CFAP299: variants seen among roughly 807,000 people sequenced by gnomAD.
CFAP299 encodes the protein cilia- and flagella-associated protein 299.
Under a neutral mutation model 27.0 loss-of-function variants are expected in CFAP299, and 21 were observed. The observed-to-expected ratio is 0.78, with a 90% confidence interval of 0.55 to 1.12. CFAP299 has a LOEUF of 1.12. CFAP299 is among the 50% of genes most tolerant of loss of function. CFAP299 has a pLI of 0.00. For synonymous variants in CFAP299, 104 were observed against 98.1 expected (o/e 1.06, Z -0.36); for missense variants, 310 against 276.6 (o/e 1.12, Z -0.86).
At chr4:80,609,319 T>C (rs1449486609) in intron 3 of CFAP299, among the ~76,000 whole-genome samples, 1 of 152,104 alleles carries the variant, frequency 6.6e-6, no homozygotes, top group Non-Finnish European at 1.5e-5. Flanking sequence ...TGTGATATTA[T>C]TTAGTTATGC....
chr4:80,471,502 C>T (rs1309099027), intron 2 of CFAP299, among the ~76,000 whole-genome samples: 1 of 148,104 alleles, frequency 6.8e-6, no homozygotes, highest in Non-Finnish European at 1.5e-5. Context: ...AGAATCTTTG[C>T]TAAATGCCAG....
intron 3 of CFAP299, among the ~76,000 whole-genome samples, chr4:80,827,862 C>T (rs1416280281): frequency 6.6e-6 from 1 of 151,970 alleles, no homozygotes; most frequent in Admixed American, 6.6e-5. Context: ...TAGCAAGATA[C>T]AAAGTCAACA....
chr4:80,374,242 A>G (rs368344681), intron 2 of CFAP299, among the ~76,000 whole-genome samples: 2 of 152,188 alleles, frequency 1.3e-5, no homozygotes, highest in East Asian at 1.9e-4. Context: ...ATCTAGTCCA[A>G]TGAGTCCCTC....
intron 3 of CFAP299, among the ~76,000 whole-genome samples, chr4:80,767,809 G>C (rs1560741392): frequency 6.6e-6 from 1 of 151,928 alleles, no homozygotes; most frequent in Non-Finnish European, 1.5e-5. Context: ...TTTATTATTG[G>C]ATGACTTTCA....
At chr4:80,962,824 T>A (rs530758101) in intron 5 of CFAP299, among the ~76,000 whole-genome samples, 88 of 152,150 alleles carry the variant, frequency 5.8e-4, no homozygotes, top group African/African-American at 1.9e-3. Context: ...TTGTACATAC[T>A]GTGCAACTCT....
intron 3 of CFAP299, among the ~76,000 whole-genome samples, chr4:80,768,657 G>T (rs1726035727): frequency 6.6e-6 from 1 of 151,998 alleles, no homozygotes; most frequent in Non-Finnish European, 1.5e-5. Flanking sequence ...TTTTTGCCAT[G>T]GAAAATTGAA....
At chr4:80,383,041 G>T (rs1231409319) in intron 2 of CFAP299, among the ~76,000 whole-genome samples, 1 of 152,134 alleles carries the variant, frequency 6.6e-6, no homozygotes, top group East Asian at 1.9e-4. Context: ...GGACATAAAT[G>T]GATATGGAGG....
chr4:80,785,712 T>C (rs796250482), intron 3 of CFAP299, among the ~76,000 whole-genome samples: 5 of 152,290 alleles, frequency 3.3e-5, no homozygotes, highest in African/African-American at 1.2e-4. Context: ...GAGGTTAGTA[T>C]AGATGTTCTC....
intron 2 of CFAP299, chr4:80,386,988 C>T: frequency 9.4e-7 from 1 of 1,066,734 alleles, no homozygotes; most frequent in Non-Finnish European, 1.5e-6. Context: ...CTTGAACCTG[C>T]CCCCACTGCG....
At chr4:80,677,377 T>C (rs1719530121) in intron 3 of CFAP299, among the ~76,000 whole-genome samples, 1 of 152,076 alleles carries the variant, frequency 6.6e-6, no homozygotes, top group African/African-American at 2.4e-5. Flanking sequence ...CATACTCAGA[T>C]GTGGGAAGTT....
At chr4:80,601,445 A>G (rs1185211661) in intron 3 of CFAP299, among the ~76,000 whole-genome samples, 4 of 152,198 alleles carry the variant, frequency 2.6e-5, no homozygotes, top group Non-Finnish European at 5.9e-5. Context: ...ATTATTTACT[A>G]TGACTTCATT....
chr4:80,740,073 AT>A (rs1398984978), intron 3 of CFAP299, among the ~76,000 whole-genome samples: 4 of 151,972 alleles, frequency 2.6e-5, no homozygotes, highest in Admixed American at 2.6e-4. Flanking sequence ...GTTATCTTGA[AT>A]TTCTTTAAGC....
upstream of CFAP299, among the ~76,000 whole-genome samples, chr4:80,332,068 C>T (rs74424601): frequency 0.095 from 14,525 of 152,244 alleles, 825 homozygotes; most frequent in Middle Eastern, 0.19. Flanking sequence ...AAAAGAGAAT[C>T]TCGAAGAGAA....
At chr4:80,960,774 G>T (rs1345205343) in intron 5 of CFAP299, among the ~76,000 whole-genome samples, 6 of 151,764 alleles carry the variant, frequency 4.0e-5, no homozygotes, top group African/African-American at 1.2e-4. Flanking sequence ...ATTAAGAATT[G>T]CCAATCTTCC....
chr4:80,440,738 A>C (rs1423440858), intron 2 of CFAP299, among the ~76,000 whole-genome samples: 1 of 152,222 alleles, frequency 6.6e-6, no homozygotes, highest in Non-Finnish European at 1.5e-5. Flanking sequence ...AGTCTTCAGA[A>C]GGTGGGTAAT....
At chr4:80,606,176 C>T (rs1422571060) in intron 3 of CFAP299, among the ~76,000 whole-genome samples, 1 of 152,156 alleles carries the variant, frequency 6.6e-6, no homozygotes, top group Non-Finnish European at 1.5e-5. Flanking sequence ...ATCATATGTC[C>T]CTTTCTCCAA....
intron 2 of CFAP299, among the ~76,000 whole-genome samples, chr4:80,541,689 G>T (rs981961098): frequency 2.0e-5 from 3 of 151,914 alleles, no homozygotes; most frequent in Admixed American, 1.3e-4. Context: ...CTACTTATTG[G>T]GTATACAGAG....
intron 3 of CFAP299, among the ~76,000 whole-genome samples, chr4:80,775,732 C>T (rs368038169): frequency 9.0e-4 from 137 of 152,102 alleles, no homozygotes; most frequent in Non-Finnish European, 1.5e-3. Context: ...AGAATATTTT[C>T]GAAAAACTGA....
intron 2 of CFAP299, among the ~76,000 whole-genome samples, chr4:80,376,934 G>A (rs556657622): frequency 1.3e-5 from 2 of 152,172 alleles, no homozygotes; most frequent in African/African-American, 4.8e-5. Flanking sequence ...ATCTTTTTAT[G>A]TGCTTATTTT....
Sources: gnomAD v4.1 joint callset for allele counts (sites outside exome capture counted in the v4.1 genomes callset) on GRCh38, gnomAD v4.1.1 for gene constraint, MANE v1.5 for transcripts, NCBI Gene and HGNC (gene_info 2026-07-23, HGNC 2026-07-21) for gene names.